OSBP2: variants seen among roughly 807,000 people sequenced by gnomAD.
OSBP2 encodes oxysterol-binding protein 2.
In OSBP2, 66 loss-of-function variants were observed where a neutral mutation model predicts 96.0. That is an observed-to-expected ratio of 0.69 (90% CI 0.56 to 0.84). The LOEUF is 0.84. Among genes scored for constraint, OSBP2 ranks in the 40% least tolerant of loss-of-function variants. The probability of loss-of-function intolerance (pLI) is 0.00; values close to 1 mark genes in which losing one functional copy is unlikely to be tolerated. For synonymous variants in OSBP2, 525 were observed against 520.9 expected (o/e 1.01, Z -0.11); for missense variants, 1,038 against 1,222.7 (o/e 0.85, Z 2.25).
At chr22:30,782,399 C>A (rs140202023) in intron 2 of OSBP2, among the ~76,000 whole-genome samples, 4 of 152,224 alleles carry the variant, frequency 2.6e-5, no homozygotes, top group Non-Finnish European at 5.9e-5. Flanking sequence ...ACCATCTTGG[C>A]CAGGCTGGTC....
chr22:30,822,404 C>A, intron 2 of OSBP2: 1 of 807,254 alleles, frequency 1.2e-6, no homozygotes, highest in Non-Finnish European at 1.7e-6. Flanking sequence ...TGGTAGGCAG[C>A]ACCGCCGCTC....
At chr22:30,834,334 T>G (rs541608669) in intron 2 of OSBP2, among the ~76,000 whole-genome samples, 12 of 152,334 alleles carry the variant, frequency 7.9e-5, no homozygotes, top group East Asian at 7.7e-4. Context: ...TTTGTGTGGA[T>G]GTATGTTTTC....
chr22:30,872,909 G>A (rs117434456), intron 3 of OSBP2, among the ~76,000 whole-genome samples: 22 of 152,304 alleles, frequency 1.4e-4, no homozygotes, highest in African/African-American at 4.6e-4. Flanking sequence ...AGGCAAAGCC[G>A]GCCACTTGCC....
In OSBP2 at chr22:30,906,542, C is replaced by T. The variant is rs1454170144; in HGVS notation, c.*203C>T. 2 of 557,478 alleles carry T rather than the reference C, an allele frequency of 3.6e-6. No homozygotes were observed. The highest frequency in any genetic ancestry group is 2.9e-6 in the Non-Finnish European group (1 of 343,004). 34.5% of individuals were successfully genotyped at this position (557,478 alleles called of 1,614,324 possible). On this transcript the variant is annotated 3_prime_UTR_variant, in exon 14 of 14. Transcript: ENST00000332585. ...GGCTGACCTGGGTTCTCTCCAGCCC[C>T]CAGGTGCGCCGGGTCACCCGTGCCC...
intron 2 of OSBP2, among the ~76,000 whole-genome samples, chr22:30,817,588 T>A (rs971889553): frequency 3.3e-5 from 5 of 152,164 alleles, no homozygotes; most frequent in Non-Finnish European, 7.4e-5. Flanking sequence ...GGAACAGTGA[T>A]GGAAGGCTTG....
intron 2 of OSBP2, among the ~76,000 whole-genome samples, chr22:30,856,300 TCCTGAGTCAGAATGTTCTG>T: frequency 6.6e-6 from 1 of 151,922 alleles, no homozygotes; most frequent in East Asian, 1.9e-4. Context: ...ACCAGAAGGT[TCCTGAGTCAGAATGTTCTG>T]CCCGAGCACC....
intron 8 of OSBP2, among the ~76,000 whole-genome samples, chr22:30,891,623 C>T (rs1256866907): frequency 1.3e-5 from 2 of 152,098 alleles, no homozygotes; most frequent in Non-Finnish European, 2.9e-5. Context: ...GCTGCAGTGA[C>T]ACACGCAGGG....
chr22:30,903,463 G>A (rs1420889511), intron 12 of OSBP2, among the ~76,000 whole-genome samples: 3 of 152,352 alleles, frequency 2.0e-5, no homozygotes, highest in East Asian at 1.9e-4. Context: ...AGGCTCACAC[G>A]AGAAACAGCG....
intron 2 of OSBP2, among the ~76,000 whole-genome samples, chr22:30,782,312 C>T (rs2090528750): frequency 6.6e-6 from 1 of 152,202 alleles, no homozygotes; most frequent in Admixed American, 6.5e-5. Flanking sequence ...TCAGCCCCTT[C>T]CACCTCCTGC....
intron 1 of OSBP2, among the ~76,000 whole-genome samples, chr22:30,714,688 C>A (rs1460696083): frequency 1.3e-5 from 2 of 152,164 alleles, no homozygotes; most frequent in African/African-American, 2.4e-5. Context: ...GTGATCTTGG[C>A]TTACTGCAAC....
chr22:30,742,908 T>G (rs191855308), intron 2 of OSBP2, among the ~76,000 whole-genome samples: 88 of 152,370 alleles, frequency 5.8e-4, no homozygotes, highest in African/African-American at 1.8e-3. Flanking sequence ...CTTCAAGGTA[T>G]TGTCAAACTG....
At chr22:30,697,883 TG>T (rs1162507730) in intron 1 of OSBP2, among the ~76,000 whole-genome samples, 1 of 152,202 alleles carries the variant, frequency 6.6e-6, no homozygotes, top group African/African-American at 2.4e-5. Context: ...TGAGGCTGAA[TG>T]AATGAACCTC....
intron 1 of OSBP2, among the ~76,000 whole-genome samples, chr22:30,712,889 G>T (rs1214258266): frequency 6.6e-6 from 1 of 151,884 alleles, no homozygotes; most frequent in Non-Finnish European, 1.5e-5. Context: ...AGGAGCCCTG[G>T]TTTTTTGGTT....
At chr22:30,745,666 C>CAAAAAAA (rs71328868) in intron 2 of OSBP2, among the ~76,000 whole-genome samples, 1 of 58,672 alleles carries the variant, frequency 1.7e-5, no homozygotes, top group Non-Finnish European at 3.2e-5. Flanking sequence ...GACTCTGTCT[C>CAAAAAAA]AAAAAAAAAA....
At chr22:30,852,573 C>G (rs746466690) in intron 2 of OSBP2, among the ~76,000 whole-genome samples, 1 of 151,364 alleles carries the variant, frequency 6.6e-6, no homozygotes, top group South Asian at 2.1e-4. Context: ...TTTTATTGAT[C>G]TTTTCAAAGA....
At chr22:30,834,909 G>C (rs2038601846) in intron 2 of OSBP2, among the ~76,000 whole-genome samples, 1 of 151,308 alleles carries the variant, frequency 6.6e-6, no homozygotes, top group African/African-American at 2.4e-5. Flanking sequence ...TCTGCCTCCT[G>C]GGTTCAAGTG....
Position 30,893,932 on chromosome 22 carries a change from C to A in OSBP2, c.2306C>A (p.Ser769Tyr). Residue 769 changes from serine (S) to tyrosine (Y), a missense_variant, in exon 12 of 14, where the codon TCT becomes TAT. Physicochemically the swap from Ser to Tyr is moderately radical, Grantham distance 144 (BLOSUM62 -2). Transcript: ENST00000332585. ...VMHSSPSSPS[S>Y]DGKQKTVYQT... ...CATAGCAGTCCCAGCAGCCCCAGCT[C>A]TGACGGGAAGCAGAAGACAGTGTAC... The A allele has an allele frequency of 6.3e-7, 1 of 1,598,124 alleles. No homozygotes were observed.
chr22:30,847,271 AC>A, intron 2 of OSBP2, among the ~76,000 whole-genome samples: 1 of 150,800 alleles, frequency 6.6e-6, no homozygotes, highest in Non-Finnish European at 1.5e-5. Flanking sequence ...AGGCACCTGC[AC>A]CCAGGCTCAT....
intron 1 of OSBP2, among the ~76,000 whole-genome samples, chr22:30,703,413 A>T (rs1354248374): frequency 6.6e-6 from 1 of 151,602 alleles, no homozygotes; most frequent in African/African-American, 2.4e-5. Flanking sequence ...AGTTCAAGTG[A>T]TCCACTCTCC....
Sources: gnomAD v4.1 joint callset for allele counts (sites outside exome capture counted in the v4.1 genomes callset) on GRCh38, gnomAD v4.1.1 for gene constraint, MANE v1.5 for transcripts, NCBI Gene and HGNC (gene_info 2026-07-23, HGNC 2026-07-21) for gene names.